FNTB: variants seen among roughly 807,000 people sequenced by gnomAD.
The protein encoded by FNTB is protein farnesyltransferase subunit beta.
In FNTB, 27 loss-of-function variants were observed where a neutral mutation model predicts 59.4. That is an observed-to-expected ratio of 0.45 (90% CI 0.34 to 0.63). The LOEUF is 0.63. FNTB is among the 20% of genes least tolerant of loss of function. The pLI, the probability that FNTB is intolerant of heterozygous loss-of-function variation, is 0.02. For missense variants in FNTB, 449 were observed against 559.6 expected (o/e 0.80, Z 1.99); for synonymous variants, 230 against 220.7 (o/e 1.04, Z -0.37).
Position 65,054,139 on chromosome 14 carries a change from G to T in FNTB, c.1068-436G>T, listed in dbSNP as rs2062675577. ...TTGTATTTTACTTTTTTGAGACAGG[G>T]TCTCACTCTGTCACCCAGGCTGGAG... On this transcript the variant is annotated intron_variant, in intron 10 of 11. Transcript: ENST00000246166. The surrounding 1 kb of genome is among the most constrained non-coding windows in gnomAD (Gnocchi z 4.4). Among the ~76,000 whole-genome samples, 2 of 151,868 alleles carry T rather than the reference G, an allele frequency of 1.3e-5. No homozygotes were observed. The highest frequency in any genetic ancestry group is 4.8e-5 in the African/African-American group (2 of 41,316).
intron 3 of FNTB, 46 bp from the exon 4 acceptor site, chr14:65,015,579 G>A (rs758595283): frequency 6.2e-7 from 1 of 1,606,946 alleles, no homozygotes; most frequent in Admixed American, 1.7e-5. Context: ...CAGTGTCTTG[G>A]AGTGATTGTG....
In FNTB at chr14:64,997,436, A is replaced by G. The variant is rs1030173874; in HGVS notation, c.145-6813A>G. Among the ~76,000 whole-genome samples, 5 of 152,030 alleles carry G rather than the reference A, an allele frequency of 3.3e-5. No individual in the cohort carries two copies. The highest frequency in any genetic ancestry group is 5.9e-5 in the Non-Finnish European group (4 of 68,012). On this transcript the variant is annotated intron_variant, in intron 1 of 11. Coordinates refer to ENST00000246166, the MANE Select transcript of FNTB (RefSeq NM_002028.4). The surrounding 1 kb of genome is among the most constrained non-coding windows in gnomAD (Gnocchi z 4.5). ...TCCCTAACCCCCTGCCCACCAAACT[A>G]TCCTTGAAAAACCTCCAAACCTTTG...
intron 9 of FNTB, among the ~76,000 whole-genome samples, chr14:65,051,926 C>T (rs2062623177): frequency 6.6e-6 from 1 of 151,708 alleles, no homozygotes; most frequent in Admixed American, 6.6e-5. Context: ...TCCTGAGTAG[C>T]TGGGACTACA....
At chr14:64,993,493 A>G (rs1254975314) in intron 1 of FNTB, among the ~76,000 whole-genome samples, 1 of 152,242 alleles carries the variant, frequency 6.6e-6, no homozygotes, top group Non-Finnish European at 1.5e-5. Flanking sequence ...AAAACTTCCT[A>G]CAGCAAGAGG....
intron 8 of FNTB, among the ~76,000 whole-genome samples, chr14:65,043,825 T>A (rs2062408986): frequency 1.7e-5 from 1 of 59,544 alleles, no homozygotes. Context: ...CGAGACTCCG[T>A]CTCAAAAAAA....
rs1031240297 is a variant in FNTB, at chr14:65,001,473, A to G, written c.145-2776A>G. ...GTGAGTATACTCTGATGTTCCCACC[A>G]TGATGAAATCACCTAAGAAGGCGTC... is the stretch of plus-strand genomic sequence containing the variant. On this transcript the variant is annotated intron_variant, in intron 1 of 11. Coordinates refer to ENST00000246166, the MANE Select transcript of FNTB (RefSeq NM_002028.4). The surrounding 1 kb of genome is among the most constrained non-coding windows in gnomAD (Gnocchi z 5.5). Among the ~76,000 whole-genome samples the G allele has an allele frequency of 5.3e-5, 8 of 152,224 alleles. No homozygotes were observed. Among genetic ancestry groups the G allele is most frequent in the Non-Finnish European group, 1.2e-4 (8 of 68,044 alleles).
chr14:65,044,391 C>T lies in FNTB; in HGVS notation c.903C>T (p.Ser301=). 6.2e-7 allele frequency: 1 copy of T among 1,613,124 alleles called. No individual in the cohort carries two copies. The highest frequency in any genetic ancestry group is 8.5e-7 in the Non-Finnish European group (1 of 1,179,666). ...RCNKLVDGCY[S]FWQAGLLPLL... is the part of the protein sequence containing the mutation. Reference sequence around the variant, plus strand: ...ACAAGCTGGTGGATGGCTGCTACTCCTTCTGGCAGGCGGGGCTCCTGCCCC... The same window carrying T: ...ACAAGCTGGTGGATGGCTGCTACTCTTTCTGGCAGGCGGGGCTCCTGCCCC... Residue 301 remains serine, a synonymous_variant, in exon 9 of 12, where the codon TCC becomes TCT. Transcript: ENST00000246166. The surrounding 1 kb of genome is among the most constrained non-coding windows in gnomAD (Gnocchi z 5.5).
At chr14:64,988,953 C>T (rs1888067637) in intron 1 of FNTB, among the ~76,000 whole-genome samples, 2 of 152,028 alleles carry the variant, frequency 1.3e-5, no homozygotes, top group African/African-American at 2.4e-5. Context: ...AAATGCTCTC[C>T]ATATGTGGTA....
In FNTB at chr14:64,994,054, C is replaced by G. The variant is rs1888305474; in HGVS notation, c.144+6957C>G. ...TATTTTAGTAGAGGTGGGGTTTTAC[C>G]ATGTTGACCAGGCTGGTCTCAAACT... On this transcript the variant is annotated intron_variant, in intron 1 of 11. Coordinates refer to ENST00000246166, the MANE Select transcript of FNTB (RefSeq NM_002028.4). The surrounding 1 kb of genome is among the most constrained non-coding windows in gnomAD (Gnocchi z 4.2). Among the ~76,000 whole-genome samples the G allele has an allele frequency of 6.6e-6, 1 of 152,026 alleles. No homozygotes were observed. The highest frequency in any genetic ancestry group is 6.6e-5 in the Admixed American group (1 of 15,264).
intron 9 of FNTB, among the ~76,000 whole-genome samples, chr14:65,049,099 C>G (rs1353866945): frequency 1.3e-5 from 2 of 149,974 alleles, no homozygotes; most frequent in East Asian, 2.0e-4. Flanking sequence ...TGCACTCCAG[C>G]CTGGGTAACA....
intron 1 of FNTB, 64 bp from the exon 2 acceptor site, chr14:65,004,185 A>G: frequency 1.3e-6 from 2 of 1,577,572 alleles, no homozygotes; most frequent in African/African-American, 1.4e-5. Flanking sequence ...CAATAGGAAG[A>G]AAAAGCTGAT....
Position 65,061,295 on chromosome 14 carries a change from G to A in FNTB, c.1297G>A (p.Glu433Lys). The stretch of plus-strand genomic sequence containing the variant: ...GGAGCTTAAGGATGAGACATCGGCA[G>A]AGCCTGCAACCGACTAGAGGACCTG... The part of the protein sequence containing the change: ...FEELKDETSA[E>K]PATD The change falls in exon 12 of 12, where the codon GAG becomes AAG. Residue 433 changes from glutamate to lysine, a missense_variant. By Grantham distance (56) the Glu-to-Lys change is moderately conservative (BLOSUM62 1). Coordinates refer to ENST00000246166, the MANE Select transcript of FNTB (RefSeq NM_002028.4). The A allele has an allele frequency of 6.2e-7, 1 of 1,614,010 alleles. No homozygotes were observed. The highest frequency in any genetic ancestry group is 8.5e-7 in the Non-Finnish European group (1 of 1,180,018).
In FNTB at chr14:65,027,856, A is replaced by G; in HGVS notation, c.605+75A>G. On this transcript the variant is annotated intron_variant, in intron 6 of 11. Coordinates refer to ENST00000246166, the MANE Select transcript of FNTB (RefSeq NM_002028.4). The surrounding 1 kb of genome is among the most constrained non-coding windows in gnomAD (Gnocchi z 5.7). ...TCTGCCATTAGAGATGCCAAGCCTA[A>G]GGAACATCATGGGGAAGCTGCTGCT... 2 of 1,589,448 alleles carry G rather than the reference A, an allele frequency of 1.3e-6. No individual in the cohort carries two copies. Among genetic ancestry groups the G allele is most frequent in the South Asian group, 2.2e-5 (2 of 89,224 alleles).
In FNTB at chr14:65,004,233, C is replaced by T. The variant is rs762014629; in HGVS notation, c.145-16C>T. 1.2e-6 allele frequency: 2 copies of T among 1,612,628 alleles called. No individual in the cohort carries two copies. Among genetic ancestry groups the T allele is most frequent in the South Asian group, 2.2e-5 (2 of 90,846 alleles). On this transcript the variant is annotated splice_polypyrimidine_tract_variant and intron_variant, in intron 1 of 11. Transcript: ENST00000246166. ...TGTATTTGTTTTCTCTCTCCTATCT[C>T]CTGCATCCTTACCAGGCAAAAGTAG...
intron 4 of FNTB, among the ~76,000 whole-genome samples, chr14:65,021,457 G>C (rs1322583376): frequency 2.0e-5 from 3 of 152,038 alleles, no homozygotes; most frequent in African/African-American, 7.2e-5. Context: ...TAGTTTGTAT[G>C]TTTCCTTACC....
rs572906971 is a variant in FNTB at position 65,007,176 on chromosome 14, A to G, written c.209+2863A>G. On this transcript the variant is annotated intron_variant, in intron 2 of 11. Transcript: ENST00000246166. This position sits in a 1 kb window ranked among gnomAD's most constrained non-coding sequence, Gnocchi z 4.9. ...CTGAAGGCAAACATCACCATCATAG[A>G]ATAAGCGAGGATATAAGAATAAATT... 6.6e-6 allele frequency among the ~76,000 whole-genome samples: 1 copy of G among 152,246 alleles called. No homozygotes were observed. The highest frequency in any genetic ancestry group is 1.5e-5 in the Non-Finnish European group (1 of 68,048).
chr14:65,000,939 G>A (rs1046715675), intron 1 of FNTB, among the ~76,000 whole-genome samples: 2 of 151,870 alleles, frequency 1.3e-5, no homozygotes, highest in Non-Finnish European at 2.9e-5. Context: ...ATTACATAAG[G>A]TATACATTAT....
Position 65,015,142 on chromosome 14 carries a change from G to A in FNTB, c.283-483G>A, listed in dbSNP as rs372015985. 2.5e-3 allele frequency among the ~76,000 whole-genome samples: 360 copies of A among 146,768 alleles called. 2 individuals carry two copies. Among genetic ancestry groups the A allele is most frequent in the African/African-American group, 8.6e-3 (339 of 39,596 alleles). ...TTTTGAGACGGAGTCTTGCTCTGTC[G>A]CCTAGGCTGGAGTGCAGTGGTGCCA... On this transcript the variant is annotated intron_variant, in intron 3 of 11. Transcript: ENST00000246166.
rs944172230 is a variant in FNTB at position 65,054,469 on chromosome 14, G to C, written c.1068-106G>C. ...TGCCTCCTCTAGCCACATGGAGGAT[G>C]GGGGGGGACGTGTGATTGCACCAGT... is the stretch of plus-strand genomic sequence containing the variant. On this transcript the variant is annotated intron_variant, in intron 10 of 11. Coordinates refer to ENST00000246166, the MANE Select transcript of FNTB (RefSeq NM_002028.4). The surrounding 1 kb of genome is among the most constrained non-coding windows in gnomAD (Gnocchi z 4.4). 11 of 982,310 alleles carry C rather than the reference G, an allele frequency of 1.1e-5. No homozygotes were observed. Among genetic ancestry groups the C allele is most frequent in the African/African-American group, 7.1e-5 (2 of 28,038 alleles). 60.8% of individuals were successfully genotyped at this position (982,310 alleles called of 1,614,324 possible).
Sources: gnomAD v4.1 joint callset for allele counts (sites outside exome capture counted in the v4.1 genomes callset) on GRCh38, gnomAD v4.1.1 for gene constraint, Gnocchi (gnomAD v3.1) non-coding constraint, MANE v1.5 for transcripts, NCBI Gene and HGNC (gene_info 2026-07-23, HGNC 2026-07-21) for gene names.